The following LRCH3 variants were observed in gnomAD, a reference collection of about 807,000 sequenced individuals.
The protein encoded by LRCH3 is leucine rich repeats and calponin homology domain containing 3, also known as DISP complex protein LRCH3.
Under a neutral mutation model 104.5 loss-of-function variants are expected in LRCH3, and 68 were observed. The ratio of observed to expected loss-of-function variants is 0.65; its 90% CI spans 0.54 to 0.80. The LOEUF (loss-of-function observed/expected upper bound fraction) is 0.80. Ranked by LOEUF, LRCH3 falls within the 30% of genes least tolerant of loss-of-function variation. The probability of loss-of-function intolerance (pLI) is 0.00; values close to 1 mark genes in which losing one functional copy is unlikely to be tolerated. For missense variants in LRCH3, 951 were observed against 953.9 expected (o/e 1.00, Z 0.04); for synonymous variants, 344 against 361.3 (o/e 0.95, Z 0.54).
intron 9 of LRCH3, among the ~76,000 whole-genome samples, chr3:197,838,674 G>A (rs1226437197): frequency 1.3e-5 from 2 of 152,058 alleles, no homozygotes; most frequent in Non-Finnish European, 2.9e-5. Context: ...TTTTAAACCA[G>A]TTTAATTTTC....
intron 12 of LRCH3, among the ~76,000 whole-genome samples, chr3:197,849,192 A>C (rs1580797935): frequency 6.6e-6 from 1 of 151,414 alleles, no homozygotes; most frequent in Non-Finnish European, 1.5e-5. Context: ...TGAGCCTAGG[A>C]AACGGAGGTT....
chr3:197,884,072 TG>T lies in LRCH3; in HGVS notation c.*408del, dbSNP rs1236813939. The T allele has an allele frequency of 6.1e-6, 1 of 164,238 alleles. No homozygotes were observed. The highest frequency in any genetic ancestry group is 6.3e-5 in the Admixed American group (1 of 15,944). 10.2% of individuals were successfully genotyped at this position (164,238 alleles called of 1,614,324 possible). On this transcript the variant is annotated 3_prime_UTR_variant, in exon 21 of 21. Coordinates refer to ENST00000425562, the MANE Select transcript of LRCH3 (RefSeq NM_001365715.1). The stretch of plus-strand genomic sequence containing the variant: ...AACTTGGTTGTTCATTAGACTCTCC[TG>T]GAGTATTTGTTAAAATACAGATTCA...
chr3:197,879,956 T>TG (rs200967790), intron 20 of LRCH3, among the ~76,000 whole-genome samples: 9 of 137,986 alleles, frequency 6.5e-5, no homozygotes, highest in African/African-American at 2.0e-4. Flanking sequence ...TATTTTTTTT[T>TG]TTTTTTTGAG....
intron 1 of LRCH3, among the ~76,000 whole-genome samples, chr3:197,795,193 A>C (rs1419497753): frequency 2.0e-5 from 3 of 152,136 alleles, no homozygotes; most frequent in Admixed American, 6.6e-5. Flanking sequence ...AGTGGTGGAC[A>C]GCACGCAAAA....
At chr3:197,838,163 T>C (rs1737158248) in intron 9 of LRCH3, among the ~76,000 whole-genome samples, 4 of 151,796 alleles carry the variant, frequency 2.6e-5, no homozygotes, top group Non-Finnish European at 5.9e-5. Flanking sequence ...CTCCTTCCTG[T>C]AGTCTCAGCC....
chr3:197,873,002 A>G (rs1712412142), intron 19 of LRCH3, among the ~76,000 whole-genome samples: 1 of 152,190 alleles, frequency 6.6e-6, no homozygotes, highest in Non-Finnish European at 1.5e-5. Context: ...AACTGACATG[A>G]TCTGTGACCG....
At chr3:197,803,660 T>G (rs1732143229) in intron 1 of LRCH3, among the ~76,000 whole-genome samples, 1 of 151,326 alleles carries the variant, frequency 6.6e-6, no homozygotes, top group Non-Finnish European at 1.5e-5. Flanking sequence ...GTGAGACTGT[T>G]TAAAAAAAAA....
rs1326839446 is a variant in LRCH3, at chr3:197,887,006, T to C, written c.*3340T>C. ...TTTTTATCAAACTAAATCAGATTTG[T>C]ATTTGAATTGTTAGGAAAAACCATG... On this transcript the variant is annotated 3_prime_UTR_variant, in exon 21 of 21. Coordinates refer to ENST00000425562, the MANE Select transcript of LRCH3 (RefSeq NM_001365715.1). 1.3e-5 allele frequency: 2 copies of C among 152,168 alleles called. No individual in the cohort carries two copies. Among genetic ancestry groups the C allele is most frequent in the African/African-American group, 4.8e-5 (2 of 41,446 alleles). The allele number at this position is 152,168 out of a possible 1,614,324, so 9.4% of individuals were successfully genotyped here.
intron 14 of LRCH3, among the ~76,000 whole-genome samples, chr3:197,855,934 T>G (rs1740190847): frequency 6.6e-6 from 1 of 152,206 alleles, no homozygotes; most frequent in Non-Finnish European, 1.5e-5. Context: ...ATCAAAACTG[T>G]GCTTCAGAAG....
rs57062885 is a variant in LRCH3 at position 197,813,510 on chromosome 3, ATTTTTTTTTTTTTTTTTTTTT to A, written c.263-1380_263-1360del. Among the ~76,000 whole-genome samples, 27 of 66,064 alleles carry A rather than the reference ATTTTTTTTTTTTTTTTTTTTT, an allele frequency of 4.1e-4. 1 individual carries two copies. In the East Asian group the frequency reaches 0.011, roughly 27 times the overall value. The allele number at this position is 66,064 out of a possible 152,430, so 43.3% of individuals were successfully genotyped here. On this transcript the variant is annotated intron_variant, in intron 1 of 20. Transcript: ENST00000425562. The stretch of plus-strand genomic sequence containing the variant: ...CCGTTCTTCTAATGGGAGGCATATA[ATTTTTTTTTTTTTTTTTTTTT>A]TTTTTTTTTTTTTTTTTGAGATGGA...
chr3:197,864,726 T>C (rs1284351000), intron 15 of LRCH3, among the ~76,000 whole-genome samples: 5 of 139,680 alleles, frequency 3.6e-5, no homozygotes, highest in Non-Finnish European at 4.7e-5. Context: ...TTTTTTTTTT[T>C]CCAAAGGGGG....
At chr3:197,840,878 G>C (rs1241290585) in intron 10 of LRCH3, among the ~76,000 whole-genome samples, 2 of 152,102 alleles carry the variant, frequency 1.3e-5, no homozygotes, top group African/African-American at 4.8e-5. Flanking sequence ...CCAGTTTTAT[G>C]CAGGAGTTTC....
At chr3:197,867,331 G>A (rs918719345) in intron 17 of LRCH3, among the ~76,000 whole-genome samples, 1 of 150,732 alleles carries the variant, frequency 6.6e-6, no homozygotes, top group African/African-American at 2.4e-5. Flanking sequence ...AGGCAGAGTC[G>A]CTTGAACCCA....
chr3:197,882,374 G>A, intron 20 of LRCH3: 2 of 984,128 alleles, frequency 2.0e-6, no homozygotes, highest in Non-Finnish European at 2.4e-6. Flanking sequence ...TAGATCAAAA[G>A]ATTACAGTTA....
chr3:197,835,686 T>C lies in LRCH3; in HGVS notation c.1115T>C (p.Leu372Pro). 4 of 1,613,558 alleles carry C rather than the reference T, an allele frequency of 2.5e-6. No homozygotes were observed. Among genetic ancestry groups the C allele is most frequent in the Non-Finnish European group, 3.4e-6 (4 of 1,179,772 alleles). The stretch of plus-strand genomic sequence containing the variant: ...GTGGTGTATACAGTGGAACATGATC[T>C]GGATCAGATTGACTACATAGACAGC... The part of the protein sequence containing the change: ...VVTNGGVEHD[L>P]DQIDYIDSCT... The change falls in exon 9 of 21, where the codon CTG becomes CCG. Residue 372 changes from leucine to proline, a missense_variant. By Grantham distance (98) the Leu-to-Pro change is moderately conservative (BLOSUM62 -3). Coordinates refer to ENST00000425562, the MANE Select transcript of LRCH3 (RefSeq NM_001365715.1).
At position 197,874,689 on chromosome 3, in the gene LRCH3, C is replaced by T. The variant is rs1712654375; in HGVS notation, c.2131-1009C>T. Among the ~76,000 whole-genome samples, 7 of 151,820 alleles carry T rather than the reference C, an allele frequency of 4.6e-5. No homozygotes were observed. In the South Asian group the frequency reaches 1.5e-3, roughly 31 times the overall value. ...GTTGAGGACTGCTGCCTTAGTGTTACACTGTTTTAAAATGGAAAAAAAAAG... is the reference window on the plus strand; with the variant it reads ...GTTGAGGACTGCTGCCTTAGTGTTATACTGTTTTAAAATGGAAAAAAAAAG... On this transcript the variant is annotated intron_variant, in intron 19 of 20. Transcript: ENST00000425562.
intron 17 of LRCH3, among the ~76,000 whole-genome samples, chr3:197,867,793 T>G (rs1711528195): frequency 1.3e-5 from 2 of 152,108 alleles, no homozygotes; most frequent in South Asian, 4.2e-4. Context: ...AGGCAGAGCT[T>G]GCAGTGAGCC....
chr3:197,817,352 G>A (rs1173343961), intron 3 of LRCH3, 50 bp downstream of exon 3: 2 of 153,082 alleles, frequency 1.3e-5, no homozygotes, highest in Admixed American at 4.9e-4. Flanking sequence ...GTGTCTGTGT[G>A]TGTGTGTGTA....
rs571486711 is a variant in LRCH3 at position 197,848,425 on chromosome 3, G to T, written c.1530+404G>T. 1.3e-3 allele frequency: 214 copies of T among 159,076 alleles called. 1 individual carries two copies. The highest frequency in any genetic ancestry group is 3.0e-3 in the Admixed American group (48 of 16,010). The allele number at this position is 159,076 out of a possible 1,614,324, so 9.9% of individuals were successfully genotyped here. On this transcript the variant is annotated intron_variant, in intron 12 of 20. Transcript: ENST00000425562. ...GCTAGCCTCACAGGCTTAATCCTTT[G>T]CAGGAACTTTGATTTGTTCCTTTCT...
Sources: allele counts gnomAD v4.1 joint callset (sites outside exome capture counted in the v4.1 genomes callset), GRCh38; gene constraint gnomAD v4.1.1; transcripts MANE v1.5; gene names NCBI Gene and HGNC (gene_info 2026-07-23, HGNC 2026-07-21).